Variants in F5 observed in about 807,000 individuals in gnomAD.
F5 encodes the protein activated protein c cofactor.
F5 carries 138 observed loss-of-function variants against 216.4 expected under a neutral mutation model. The ratio of observed to expected loss-of-function variants is 0.64; its 90% CI spans 0.56 to 0.73. The LOEUF is 0.73. Among genes scored for constraint, F5 ranks in the 30% least tolerant of loss-of-function variants. The pLI, the probability that F5 is intolerant of heterozygous loss-of-function variation, is 0.00. For missense variants in F5, 2,403 were observed against 2,674.0 expected (o/e 0.90, Z 2.24); for synonymous variants, 916 against 930.7 (o/e 0.98, Z 0.29).
rs9287090 is a variant in F5, at chr1:169,541,142, G to A, written c.3948C>T (p.Leu1316=). The A allele has an allele frequency of 0.14, 158,272 of 1,129,062 alleles. 25,696 individuals carry two copies. The highest frequency in any genetic ancestry group is 0.29 in the Admixed American group (12,343 of 42,080). 69.9% of individuals were successfully genotyped at this position (1,129,062 alleles called of 1,614,324 possible). ...ELSQTNLSPA[L]GQMPISPDLS... is the part of the protein sequence containing the mutation. The stretch of plus-strand genomic sequence containing the variant: ...GGTCTGGAGAAATGGGCATCTGACC[G>A]AGGGCTGGGGAAAGGTTTGTCTGAC... The change falls in exon 13 of 25, where the codon CTC becomes CTT. Residue 1316 remains leucine, a synonymous_variant. Transcript: ENST00000367797.
rs748588169 is a variant in F5 at position 169,560,666 on chromosome 1, A to G, written c.474T>C (p.Ser158=). The G allele has an allele frequency of 3.7e-6, 6 of 1,613,672 alleles. No individual in the cohort carries two copies. The South Asian group carries it at 4.4e-5, about 12-fold the overall frequency. Residue 158 remains serine, a synonymous_variant, in exon 4 of 25, where the codon AGT becomes AGC. Coordinates refer to ENST00000367797, the MANE Select transcript of F5 (RefSeq NM_000130.5). ...YTYEWSISED[S]GPTHDDPPCL... ...ATGGAGGGTCATCATGGGTGGGTCC[A>G]CTGTCCTCACTGATACTCCATTCAT...
Position 169,552,785 on chromosome 1 carries a change from G to T in F5, c.1119-51C>A, listed in dbSNP as rs531571106. ...AACCACTTTCTCAAATAGAGATCTC[G>T]GTAGGATGGGGAAACCCTTGTGCTT... On this transcript the variant is annotated intron_variant, in intron 7 of 24. Transcript: ENST00000367797. 9.1e-6 allele frequency: 12 copies of T among 1,322,276 alleles called. No homozygotes were observed. In the South Asian group the frequency reaches 1.3e-4, roughly 14 times the overall value. 81.9% of individuals were successfully genotyped at this position (1,322,276 alleles called of 1,614,324 possible).
chr1:169,536,393 A>G lies in F5; in HGVS notation c.4971+113T>C, dbSNP rs1182176053. On this transcript the variant is annotated intron_variant, in intron 14 of 24. Transcript: ENST00000367797. The stretch of plus-strand genomic sequence containing the variant: ...TTGAAAAGAAATGTAATTATTCATT[A>G]ATCCTGGAAAACAAACAAATCACCT... The G allele has an allele frequency of 1.2e-5, 10 of 860,428 alleles. No individual in the cohort carries two copies. The Admixed American group carries it at 2.0e-4, about 17-fold the overall frequency. 53.3% of individuals were successfully genotyped at this position (860,428 alleles called of 1,614,324 possible).
At chr1:169,564,132 T>C (rs1660546415) in intron 3 of F5, among the ~76,000 whole-genome samples, 1 of 152,028 alleles carries the variant, frequency 6.6e-6, no homozygotes, top group Admixed American at 6.6e-5. Context: ...TATTAGGAGG[T>C]CTTTCTATGT....
chr1:169,530,162 T>C (rs1237318325), intron 15 of F5, among the ~76,000 whole-genome samples: 1 of 152,214 alleles, frequency 6.6e-6, no homozygotes, highest in Non-Finnish European at 1.5e-5. Context: ...ATAAATTCAT[T>C]CATTGAACAA....
At chr1:169,520,476 T>C in intron 22 of F5, 44 bp downstream of exon 22, 1 of 1,612,530 alleles carries the variant, frequency 6.2e-7, no homozygotes, top group Non-Finnish European at 8.5e-7. Context: ...CAAATCTTGA[T>C]TCTTTGAGTG....
At chr1:169,578,703 C>G (rs973860992) in intron 2 of F5, among the ~76,000 whole-genome samples, 34 of 152,152 alleles carry the variant, frequency 2.2e-4, no homozygotes, top group Non-Finnish European at 4.4e-4. Flanking sequence ...GGAGCTGGAG[C>G]TATGAAAATG....
intron 10 of F5, among the ~76,000 whole-genome samples, chr1:169,548,917 G>A (rs1289512522): frequency 2.0e-5 from 3 of 150,772 alleles, no homozygotes; most frequent in Admixed American, 6.6e-5. Flanking sequence ...ATCTCATTTC[G>A]CTATGGCAGC....
intron 8 of F5, among the ~76,000 whole-genome samples, chr1:169,551,317 G>T (rs1660163179): frequency 6.6e-6 from 1 of 152,182 alleles, no homozygotes; most frequent in Non-Finnish European, 1.5e-5. Context: ...AGGCGTTGGG[G>T]CGTGTGCCTG....
chr1:169,514,445 A>AT lies in F5; in HGVS notation c.6542dup (p.Asn2181LysfsTer3). The AT allele has an allele frequency of 6.2e-7, 1 of 1,612,910 alleles. No homozygotes were observed. The highest frequency in any genetic ancestry group is 8.5e-7 in the Non-Finnish European group (1 of 1,179,334). ...TCTTCACATGTCCTTTGGTATTAGTATTTCCTTCAAAAATCTGAAAGCCAA... is the reference window on the plus strand; with the variant it reads ...TCTTCACATGTCCTTTGGTATTAGTATTTTCCTTCAAAAATCTGAAAGCCAA... On this transcript the variant is annotated frameshift_variant, in exon 25 of 25. Transcript: ENST00000367797. LOFTEE classifies it high-confidence loss of function.
chr1:169,546,894 C>T (rs1660017850), intron 10 of F5, among the ~76,000 whole-genome samples: 2 of 150,988 alleles, frequency 1.3e-5, no homozygotes, highest in South Asian at 4.2e-4. Context: ...CTTTGGGAGG[C>T]CAAGGCGGGT....
At chr1:169,527,857 A>G (rs1318974245) in intron 17 of F5, 58 bp downstream of exon 17, 1 of 1,593,236 alleles carries the variant, frequency 6.3e-7, no homozygotes, top group Non-Finnish European at 8.6e-7. Flanking sequence ...AAGGAGTTAC[A>G]GATTGCCTTT....
Position 169,541,835 on chromosome 1 carries a change from T to G in F5, c.3255A>C (p.Thr1085=), listed in dbSNP as rs6006. 22 of 1,614,090 alleles carry G rather than the reference T, an allele frequency of 1.4e-5. No individual in the cohort carries two copies. Among genetic ancestry groups the G allele is most frequent in the Non-Finnish European group, 1.9e-5 (22 of 1,179,984 alleles). Residue 1085 remains threonine (T), a synonymous_variant, in exon 13 of 25, where the codon ACA becomes ACC. Transcript: ENST00000367797. The stretch of plus-strand genomic sequence containing the variant: ...TCCAGCCAAAATCCATAGAGGGCAA[T>G]GTCTGATTGAGGTCTGTGGGAAGAG... ...ETSLPTDLNQ[T]LPSMDFGWIA...
intron 2 of F5, among the ~76,000 whole-genome samples, chr1:169,578,550 A>G (rs1055958448): frequency 6.6e-6 from 1 of 152,240 alleles, no homozygotes; most frequent in African/African-American, 2.4e-5. Flanking sequence ...GGCAAAAGCC[A>G]CAAAAGGTAC....
At position 169,513,515 on chromosome 1, in the gene F5, T is replaced by C. The variant is rs1384425429; in HGVS notation, c.*798A>G. Among the ~76,000 whole-genome samples the C allele has an allele frequency of 6.6e-6, 1 of 152,154 alleles. No individual in the cohort carries two copies. The highest frequency in any genetic ancestry group is 1.5e-5 in the Non-Finnish European group (1 of 68,022). On this transcript the variant is annotated 3_prime_UTR_variant, in exon 25 of 25. Transcript: ENST00000367797. ...GCTTGCCAGTTTGGCCAGAGGTCTCTTTGAGCAGGAACAACTGCATTTAGA... is the reference window on the plus strand; with the variant it reads ...GCTTGCCAGTTTGGCCAGAGGTCTCCTTGAGCAGGAACAACTGCATTTAGA...
intron 11 of F5, among the ~76,000 whole-genome samples, chr1:169,546,209 G>A (rs895470353): frequency 2.3e-5 from 2 of 88,062 alleles, no homozygotes; most frequent in Admixed American, 1.5e-4. Flanking sequence ...ACACACACAC[G>A]CTTGGAATAG....
intron 10 of F5, among the ~76,000 whole-genome samples, chr1:169,549,367 C>A (rs552867356): frequency 6.6e-6 from 1 of 152,272 alleles, no homozygotes; most frequent in South Asian, 2.1e-4. Flanking sequence ...TCCTCTGTCT[C>A]CCTATTGCAG....
At chr1:169,572,123 C>T in intron 3 of F5, 98 bp downstream of exon 3, 1 of 1,287,120 alleles carries the variant, frequency 7.8e-7, no homozygotes, top group East Asian at 2.4e-5. Context: ...AGAGATTTCC[C>T]TAACAACACG....
At position 169,514,089 on chromosome 1, in the gene F5, C is replaced by T; in HGVS notation, c.*224G>A. ...TTTCTTGTTGGTTCTTGATATTTTCCTACCTGTATTCAAATTAATGCAGAA... is the reference window on the plus strand; with the variant it reads ...TTTCTTGTTGGTTCTTGATATTTTCTTACCTGTATTCAAATTAATGCAGAA... On this transcript the variant is annotated 3_prime_UTR_variant, in exon 25 of 25. Coordinates refer to ENST00000367797, the MANE Select transcript of F5 (RefSeq NM_000130.5). The T allele has an allele frequency of 1.9e-6, 1 of 519,872 alleles. No homozygotes were observed. The highest frequency in any genetic ancestry group is 3.4e-6 in the Non-Finnish European group (1 of 293,352). The allele number at this position is 519,872 out of a possible 1,614,324, so 32.2% of individuals were successfully genotyped here. A position where few individuals can be genotyped will look rare whatever the true frequency, so the allele number is the denominator to read the frequency against.
Sources: allele counts gnomAD v4.1 joint callset (sites outside exome capture counted in the v4.1 genomes callset), GRCh38; gene constraint gnomAD v4.1.1; transcripts MANE v1.5; gene names NCBI Gene and HGNC (gene_info 2026-07-23, HGNC 2026-07-21).